DCC: variants seen among roughly 807,000 people sequenced by gnomAD.
DCC encodes DCC netrin 1 receptor, also known as netrin receptor DCC.
Under a neutral mutation model 172.5 loss-of-function variants are expected in DCC, and 58 were observed. The observed-to-expected ratio is 0.34, with a 90% CI of 0.27 to 0.42. The LOEUF (loss-of-function observed/expected upper bound fraction) is 0.42, where lower values mean the gene tolerates loss of function less well. DCC is among the 10% of genes least tolerant of loss of function. The pLI is 1.00. For missense variants in DCC, 1,740 were observed against 1,791.0 expected (o/e 0.97, Z 0.51); for synonymous variants, 709 against 644.5 (o/e 1.10, Z -1.52).
At chr18:53,031,267 A>G (rs2042022158) in intron 5 of DCC, among the ~76,000 whole-genome samples, 1 of 152,208 alleles carries the variant, frequency 6.6e-6, no homozygotes, top group African/African-American at 2.4e-5. Context: ...TCAATAAAAT[A>G]AAATAAAATA....
chr18:52,533,122 A>G (rs1409725531), intron 1 of DCC, among the ~76,000 whole-genome samples: 1 of 152,132 alleles, frequency 6.6e-6, no homozygotes, highest in Admixed American at 6.5e-5. Flanking sequence ...CAGAGAGGTC[A>G]TATGTACCCT....
intron 3 of DCC, among the ~76,000 whole-genome samples, chr18:52,920,659 A>T (rs1300676014): frequency 6.6e-6 from 1 of 152,180 alleles, no homozygotes; most frequent in East Asian, 1.9e-4. Context: ...TTACCATACA[A>T]TCTAGCTATT....
intron 5 of DCC, among the ~76,000 whole-genome samples, chr18:52,925,871 C>G (rs920030324): frequency 7.2e-6 from 1 of 139,480 alleles, no homozygotes; most frequent in East Asian, 2.1e-4. Flanking sequence ...AGTTGCATAG[C>G]AAGAATATAA....
At chr18:53,335,437 G>A (rs1211656387) in intron 14 of DCC, among the ~76,000 whole-genome samples, 1 of 152,058 alleles carries the variant, frequency 6.6e-6, no homozygotes, top group Non-Finnish European at 1.5e-5. Flanking sequence ...AATGTCACAG[G>A]GATTAATATA....
chr18:52,664,525 C>G (rs1226384054), intron 1 of DCC, among the ~76,000 whole-genome samples: 1 of 124,924 alleles, frequency 8.0e-6, no homozygotes, highest in Non-Finnish European at 1.6e-5. Flanking sequence ...GGCTAGAGTG[C>G]AGTGGCGCGA....
intron 1 of DCC, among the ~76,000 whole-genome samples, chr18:52,716,601 A>G (rs887167828): frequency 6.6e-6 from 1 of 152,112 alleles, no homozygotes; most frequent in African/African-American, 2.4e-5. Flanking sequence ...CCATACAATT[A>G]CCCATGTCCA....
chr18:52,822,070 C>T (rs2038416756), intron 2 of DCC, among the ~76,000 whole-genome samples: 1 of 152,168 alleles, frequency 6.6e-6, no homozygotes, highest in African/African-American at 2.4e-5. Context: ...TGAACCCATC[C>T]AATATGTCCA....
intron 12 of DCC, among the ~76,000 whole-genome samples, chr18:53,249,325 A>T (rs982265296): frequency 3.3e-5 from 5 of 152,012 alleles, no homozygotes; most frequent in African/African-American, 1.2e-4. Context: ...GTTGTACCCC[A>T]AAGTGACCTA....
At chr18:52,945,157 T>A (rs2040521533) in intron 5 of DCC, among the ~76,000 whole-genome samples, 1 of 152,212 alleles carries the variant, frequency 6.6e-6, no homozygotes, top group Admixed American at 6.5e-5. Context: ...AAAAATAATT[T>A]GACAATTATG....
chr18:53,458,446 C>T (rs765295848), intron 23 of DCC, among the ~76,000 whole-genome samples: 5 of 152,158 alleles, frequency 3.3e-5, no homozygotes, highest in Non-Finnish European at 5.9e-5. Context: ...AGTTTACTGA[C>T]CCCCTGCTGT....
chr18:52,619,722 T>C (rs926639168), intron 1 of DCC, among the ~76,000 whole-genome samples: 7 of 152,024 alleles, frequency 4.6e-5, no homozygotes, highest in Non-Finnish European at 1.0e-4. Context: ...ATATTCAGAG[T>C]TTCCTAATCT....
intron 5 of DCC, among the ~76,000 whole-genome samples, chr18:52,947,567 A>G (rs1435436164): frequency 6.6e-6 from 1 of 152,186 alleles, no homozygotes; most frequent in Non-Finnish European, 1.5e-5. Context: ...GTGTAACTAC[A>G]CGTATCCCAC....
At chr18:52,675,189 G>T (rs1053952962) in intron 1 of DCC, among the ~76,000 whole-genome samples, 3 of 152,076 alleles carry the variant, frequency 2.0e-5, no homozygotes, top group African/African-American at 7.2e-5. Context: ...CTCCCTAGTA[G>T]CTGGGATTAC....
intron 2 of DCC, among the ~76,000 whole-genome samples, chr18:52,877,520 G>A (rs1035330317): frequency 1.3e-5 from 2 of 151,958 alleles, no homozygotes; most frequent in Admixed American, 1.3e-4. Context: ...ACCATCCTGG[G>A]CAACATGGTA....
intron 7 of DCC, among the ~76,000 whole-genome samples, chr18:53,123,859 T>C (rs1238620929): frequency 1.3e-5 from 2 of 152,096 alleles, no homozygotes; most frequent in African/African-American, 2.4e-5. Context: ...TCCAGTTCTT[T>C]CTTCTTGGCT....
At chr18:53,059,993 C>T (rs967671924) in intron 5 of DCC, among the ~76,000 whole-genome samples, 1 of 151,804 alleles carries the variant, frequency 6.6e-6, no homozygotes, top group East Asian at 1.9e-4. Flanking sequence ...TTTCAGAAAA[C>T]ATGAGACTTA....
intron 1 of DCC, among the ~76,000 whole-genome samples, chr18:52,486,358 A>C (rs2030223682): frequency 6.6e-6 from 1 of 152,094 alleles, no homozygotes; most frequent in Non-Finnish European, 1.5e-5. Context: ...CAGCCATTTG[A>C]GTAGTAGGGA....
In DCC at chr18:53,428,633, TATATA is replaced by T. The variant is rs1222500385; in HGVS notation, c.3164-6505_3164-6501del. 2.5e-3 allele frequency among the ~76,000 whole-genome samples: 158 copies of T among 63,954 alleles called. 14 individuals are homozygous for T. The highest frequency in any genetic ancestry group is 7.8e-3 in the African/African-American group (153 of 19,710). 42.0% of individuals were successfully genotyped at this position (63,954 alleles called of 152,430 possible). A position where few individuals can be genotyped will look rare whatever the true frequency, so the allele number is the denominator to read the frequency against. On this transcript the variant is annotated intron_variant, in intron 21 of 28. Transcript: ENST00000442544. ...ATATTTTTATATATAATGTATATTTTATATAATATATATTTTTATATATAATGTAT... is the reference window on the plus strand; with the variant it reads ...ATATTTTTATATATAATGTATATTTTATATATATTTTTATATATAATGTAT...
chr18:53,198,357 A>G (rs932167793), intron 9 of DCC, among the ~76,000 whole-genome samples: 4 of 152,100 alleles, frequency 2.6e-5, no homozygotes, highest in African/African-American at 7.2e-5. Flanking sequence ...GGTTTCTATC[A>G]TAGGTAGAGT....
Sources: gnomAD v4.1 joint callset for allele counts (sites outside exome capture counted in the v4.1 genomes callset) on GRCh38, gnomAD v4.1.1 for gene constraint, MANE v1.5 for transcripts, NCBI Gene and HGNC (gene_info 2026-07-23, HGNC 2026-07-21) for gene names.